Variants in INVS observed in about 807,000 individuals in gnomAD.
INVS encodes the protein inversion of embryo turning homolog.
INVS carries 86 observed loss-of-function variants against 108.8 expected under a neutral mutation model. The ratio of observed to expected loss-of-function variants is 0.79; its 90% CI spans 0.66 to 0.95. INVS has a LOEUF of 0.95. Among genes scored for constraint, INVS ranks in the 40% least tolerant of loss-of-function variants. The probability of loss-of-function intolerance (pLI) is 0.00; values close to 1 mark genes in which losing one functional copy is unlikely to be tolerated. For missense variants in INVS, 1,169 were observed against 1,297.4 expected (o/e 0.90, Z 1.52); for synonymous variants, 455 against 473.5 (o/e 0.96, Z 0.51).
intron 1 of INVS, among the ~76,000 whole-genome samples, chr9:100,101,007 ATATT>A (rs1826963363): frequency 2.1e-5 from 2 of 96,640 alleles, no homozygotes; most frequent in Non-Finnish European, 3.8e-5. Flanking sequence ...TATAATATAT[ATATT>A]ATATGTATAT....
intron 3 of INVS, among the ~76,000 whole-genome samples, chr9:100,182,468 A>C (rs943820347): frequency 6.6e-6 from 1 of 152,206 alleles, no homozygotes; most frequent in Non-Finnish European, 1.5e-5. Flanking sequence ...GACACGTCTC[A>C]AAAAACAGAC....
intron 10 of INVS, among the ~76,000 whole-genome samples, chr9:100,261,848 T>G (rs1832634261): frequency 6.6e-6 from 1 of 152,234 alleles, no homozygotes; most frequent in Non-Finnish European, 1.5e-5. Flanking sequence ...CTTAATTAAT[T>G]CTGGTTTCTC....
At chr9:100,254,315 T>C (rs563790214) in intron 10 of INVS, among the ~76,000 whole-genome samples, 1 of 152,346 alleles carries the variant, frequency 6.6e-6, no homozygotes, top group East Asian at 1.9e-4. Context: ...TTCTGGATAT[T>C]AGCCCTTTGT....
At chr9:100,245,080 A>G (rs1159016007) in intron 7 of INVS, among the ~76,000 whole-genome samples, 1 of 152,212 alleles carries the variant, frequency 6.6e-6, no homozygotes, top group African/African-American at 2.4e-5. Flanking sequence ...ATTTTTGATC[A>G]GATCACAGCC....
At chr9:100,289,720 CT>C (rs1379762027) in intron 13 of INVS, among the ~76,000 whole-genome samples, 2 of 152,158 alleles carry the variant, frequency 1.3e-5, no homozygotes, top group African/African-American at 4.8e-5. Context: ...GAGCAGTACT[CT>C]TGAGAGAAGG....
At chr9:100,256,752 C>T (rs1054163894) in intron 10 of INVS, among the ~76,000 whole-genome samples, 1 of 152,124 alleles carries the variant, frequency 6.6e-6, no homozygotes. Context: ...ATCCTGAGTT[C>T]TAATTTGATT....
chr9:100,273,150 G>A (rs1282441992), intron 12 of INVS, 74 bp downstream of exon 12: 1 of 1,130,352 alleles, frequency 8.8e-7, no homozygotes, highest in African/African-American at 1.5e-5. Context: ...GGGGGTGCTG[G>A]GGTGGCCAGG....
chr9:100,236,336 C>T (rs1169355613), intron 5 of INVS, among the ~76,000 whole-genome samples: 1 of 152,192 alleles, frequency 6.6e-6, no homozygotes, highest in African/African-American at 2.4e-5. Flanking sequence ...TTATTACCCA[C>T]CTTCTGAAGT....
rs764787380 is a variant in INVS, at chr9:100,292,643, CAA to C, written c.2387_2388del (p.Gln796ArgfsTer13). ...ATGTGCCCCCCAGAAAAGGCGCACT[CAA>C]GAGCTCAGAGGAGGAAGGTGCTCTC... ...AKCAPQKRRTQELRGGRCSPA... is the reference protein window; with the variant it reads ...AKCAPQKRRTXELRGGRCSPA... On this transcript the variant is annotated frameshift_variant, in exon 14 of 17. Transcript: ENST00000262457. LOFTEE classifies it high-confidence loss of function. The C allele has an allele frequency of 3.1e-6, 5 of 1,614,164 alleles. No individual in the cohort carries two copies. Among genetic ancestry groups the C allele is most frequent in the Middle Eastern group, 1.6e-4 (1 of 6,062 alleles).
chr9:100,139,159 CAATGTGACCTA>C (rs1828338274), intron 3 of INVS, among the ~76,000 whole-genome samples: 1 of 152,128 alleles, frequency 6.6e-6, no homozygotes, highest in African/African-American at 2.4e-5. Flanking sequence ...TCATGATGCA[CAATGTGACCTA>C]ATTTACCTAG....
intron 9 of INVS, among the ~76,000 whole-genome samples, chr9:100,252,681 C>A (rs1342786471): frequency 6.6e-6 from 1 of 152,138 alleles, no homozygotes; most frequent in East Asian, 1.9e-4. Context: ...TAAAGGGGGA[C>A]TGATTCCTAG....
At chr9:100,105,274 G>C (rs1827135929) in intron 2 of INVS, among the ~76,000 whole-genome samples, 1 of 152,130 alleles carries the variant, frequency 6.6e-6, no homozygotes, top group Non-Finnish European at 1.5e-5. Context: ...TTGACAACTT[G>C]GGCTACAAAA....
intron 2 of INVS, among the ~76,000 whole-genome samples, chr9:100,113,333 C>T (rs1215549540): frequency 6.6e-6 from 1 of 152,164 alleles, no homozygotes; most frequent in African/African-American, 2.4e-5. Context: ...GAATATCTGC[C>T]TCCTCTAGGA....
intron 13 of INVS, among the ~76,000 whole-genome samples, chr9:100,288,901 TA>T (rs1255098920): frequency 3.9e-5 from 6 of 152,190 alleles, no homozygotes; most frequent in Non-Finnish European, 8.8e-5. Context: ...GCTGGGATTT[TA>T]TAAGTGTTAG....
chr9:100,177,606 A>G (rs1029385685), intron 3 of INVS, among the ~76,000 whole-genome samples: 5 of 152,288 alleles, frequency 3.3e-5, no homozygotes, highest in Non-Finnish European at 5.9e-5. Flanking sequence ...GCATCTCTGA[A>G]AGAAAGGCAG....
intron 8 of INVS, among the ~76,000 whole-genome samples, chr9:100,251,672 T>C (rs1832243022): frequency 6.6e-6 from 1 of 152,176 alleles, no homozygotes; most frequent in East Asian, 1.9e-4. Context: ...GCTGGGACTA[T>C]AGACATGTGC....
intron 3 of INVS, among the ~76,000 whole-genome samples, chr9:100,203,470 A>C (rs1237677234): frequency 1.3e-5 from 2 of 151,396 alleles, no homozygotes; most frequent in African/African-American, 2.4e-5. Flanking sequence ...GAACCTTGAA[A>C]AACATTTACT....
intron 12 of INVS, among the ~76,000 whole-genome samples, chr9:100,280,491 A>T (rs1168639640): frequency 6.6e-6 from 1 of 152,178 alleles, no homozygotes; most frequent in Non-Finnish European, 1.5e-5. Context: ...TTCACATAGT[A>T]GGTAGGAAAA....
At chr9:100,278,742 G>GT in intron 12 of INVS, among the ~76,000 whole-genome samples, 1 of 152,104 alleles carries the variant, frequency 6.6e-6, no homozygotes, top group Non-Finnish European at 1.5e-5. Flanking sequence ...GTGACTCTCC[G>GT]TAAGTGTAGA....
Sources: allele counts gnomAD v4.1 joint callset (sites outside exome capture counted in the v4.1 genomes callset), GRCh38; gene constraint gnomAD v4.1.1; transcripts MANE v1.5; gene names NCBI Gene and HGNC (gene_info 2026-07-23, HGNC 2026-07-21).